MLXIP: variants seen among roughly 807,000 people sequenced by gnomAD.
MLXIP encodes MLX interacting protein.
MLXIP carries 30 observed loss-of-function variants against 87.2 expected under a neutral mutation model. The observed-to-expected ratio is 0.34, with a 90% CI of 0.26 to 0.47. The LOEUF (loss-of-function observed/expected upper bound fraction) is 0.47, where lower values mean the gene tolerates loss of function less well. Ranked by LOEUF, MLXIP falls within the 20% of genes least tolerant of loss-of-function variation. MLXIP has a pLI of 1.00. For missense variants in MLXIP, 1,002 were observed against 1,240.1 expected (o/e 0.81, Z 2.88); for synonymous variants, 530 against 514.0 (o/e 1.03, Z -0.42).
At chr12:122,095,644 T>G (rs1952340149) in intron 1 of MLXIP, among the ~76,000 whole-genome samples, 2 of 145,532 alleles carry the variant, frequency 1.4e-5, no homozygotes, top group Admixed American at 6.8e-5. Flanking sequence ...CATAGTATAG[T>G]TTTTTTTTTA....
At chr12:122,088,628 A>G (rs1952202522) in intron 1 of MLXIP, among the ~76,000 whole-genome samples, 1 of 152,170 alleles carries the variant, frequency 6.6e-6, no homozygotes, top group African/African-American at 2.4e-5. Context: ...CGCCTGGGGC[A>G]GTTTTCAGGC....
At chr12:122,085,929 G>T (rs954254695) in intron 1 of MLXIP, among the ~76,000 whole-genome samples, 1 of 152,176 alleles carries the variant, frequency 6.6e-6, no homozygotes, top group East Asian at 1.9e-4. Flanking sequence ...AAGGTTGCTG[G>T]TCTACTGACC....
chr12:122,080,875 T>G (rs1952080816), intron 1 of MLXIP, among the ~76,000 whole-genome samples: 1 of 152,232 alleles, frequency 6.6e-6, no homozygotes, highest in Non-Finnish European at 1.5e-5. Context: ...CTGGAATGTA[T>G]CTTATTAAGA....
At chr12:122,111,463 A>G (rs553881449) in intron 1 of MLXIP, among the ~76,000 whole-genome samples, 7 of 152,290 alleles carry the variant, frequency 4.6e-5, no homozygotes, top group African/African-American at 1.7e-4. Flanking sequence ...TAAACCAACT[A>G]CCAACTGAAT....
chr12:122,129,414 G>A (rs1169077587), intron 4 of MLXIP, 174 bp from the exon 5 acceptor site: 1 of 397,184 alleles, frequency 2.5e-6, no homozygotes, highest in African/African-American at 2.2e-5. Flanking sequence ...GGTTGTCTTT[G>A]CTCTCAGTTT....
intron 1 of MLXIP, among the ~76,000 whole-genome samples, chr12:122,114,752 T>C (rs1430643220): frequency 2.8e-5 from 3 of 105,830 alleles, no homozygotes; most frequent in Non-Finnish European, 5.9e-5. Context: ...TTTTTTTTTT[T>C]TTTGGTGGGG....
Position 122,129,024 on chromosome 12 carries a change from T to G in MLXIP, c.607-113T>G, listed in dbSNP as rs557145363. 159 of 807,112 alleles carry G rather than the reference T, an allele frequency of 2.0e-4. No individual in the cohort carries two copies. The South Asian group carries it at 2.4e-3, about 12-fold the overall frequency. The allele number at this position is 807,112 out of a possible 1,614,324, so 50.0% of individuals were successfully genotyped here. On this transcript the variant is annotated intron_variant, in intron 3 of 16. Transcript: ENST00000319080. ...AGTGATGTGGTAGCCACTGTGGGGT[T>G]TCCCGCTGGATTGCCTAAGGCCTGA...
intron 1 of MLXIP, among the ~76,000 whole-genome samples, chr12:122,125,745 G>T (rs1463964193): frequency 6.6e-6 from 1 of 152,228 alleles, no homozygotes; most frequent in African/African-American, 2.4e-5. Context: ...GCTGCTGTCT[G>T]CGTGTCTCTT....
chr12:122,121,009 G>GT (rs776332981), intron 1 of MLXIP, among the ~76,000 whole-genome samples: 1 of 102,170 alleles, frequency 9.8e-6, no homozygotes, highest in Non-Finnish European at 1.9e-5. Flanking sequence ...CTGCATGCTT[G>GT]GTTTTTTTTT....
At chr12:122,126,645 C>T (rs900922805) in intron 1 of MLXIP, among the ~76,000 whole-genome samples, 2 of 152,120 alleles carry the variant, frequency 1.3e-5, no homozygotes, top group African/African-American at 4.8e-5. Context: ...GTCACAGGAG[C>T]CTGGTTTGCA....
intron 1 of MLXIP, among the ~76,000 whole-genome samples, chr12:122,100,566 G>C (rs1049298281): frequency 3.9e-5 from 6 of 152,084 alleles, no homozygotes; most frequent in Admixed American, 6.6e-5. Flanking sequence ...TCATTGTTAA[G>C]GTATATTGAA....
intron 1 of MLXIP, among the ~76,000 whole-genome samples, chr12:122,087,874 G>A (rs1324971978): frequency 6.6e-6 from 1 of 152,186 alleles, no homozygotes; most frequent in Non-Finnish European, 1.5e-5. Flanking sequence ...GGACTTGCTG[G>A]TGAATTGGAC....
intron 1 of MLXIP, among the ~76,000 whole-genome samples, chr12:122,120,227 T>A (rs553425672): frequency 6.8e-4 from 103 of 152,166 alleles, no homozygotes; most frequent in African/African-American, 2.3e-3. Flanking sequence ...TTTTCTCTTT[T>A]CTTTTCTTCT....
At chr12:122,079,573 G>A (rs1315345804) in intron 1 of MLXIP, among the ~76,000 whole-genome samples, 1 of 152,226 alleles carries the variant, frequency 6.6e-6, no homozygotes, top group Admixed American at 6.5e-5. Context: ...TGCATCTTGT[G>A]TTACCCGACT....
intron 1 of MLXIP, among the ~76,000 whole-genome samples, chr12:122,111,933 T>C (rs1194533347): frequency 6.6e-6 from 1 of 152,236 alleles, no homozygotes; most frequent in Non-Finnish European, 1.5e-5. Context: ...ATAATCCCAA[T>C]CAACATATTA....
chr12:122,107,207 C>T (rs535327608), intron 1 of MLXIP, among the ~76,000 whole-genome samples: 2 of 152,156 alleles, frequency 1.3e-5, no homozygotes, highest in East Asian at 1.9e-4. Context: ...TTCCTCGTGG[C>T]GGGAGCTGGG....
intron 1 of MLXIP, among the ~76,000 whole-genome samples, chr12:122,086,853 G>A (rs1031705940): frequency 1.3e-5 from 2 of 152,112 alleles, no homozygotes; most frequent in South Asian, 2.1e-4. Flanking sequence ...TTCACTGTCC[G>A]GCCAGACGCC....
At chr12:122,126,598 G>A (rs947086015) in intron 1 of MLXIP, among the ~76,000 whole-genome samples, 5 of 152,202 alleles carry the variant, frequency 3.3e-5, no homozygotes, top group Admixed American at 6.5e-5. Context: ...TGAATGCCTC[G>A]TGGGGGCTGG....
Position 122,145,246 on chromosome 12 carries a change from C to G in MLXIP, c.*3434C>G, listed in dbSNP as rs571594934. On this transcript the variant is annotated 3_prime_UTR_variant, in exon 17 of 17. Transcript: ENST00000319080. ...GGGAAGGGGCTGGAAAGCAGCAGAC[C>G]CCCCCAGTGCTGCGCATGGTCCCGG... is the stretch of plus-strand genomic sequence containing the variant. 3 of 152,264 alleles carry G rather than the reference C, an allele frequency of 2.0e-5. No homozygotes were observed. The highest frequency in any genetic ancestry group is 4.8e-5 in the African/African-American group (2 of 41,450). The allele number at this position is 152,264 out of a possible 1,614,324, so 9.4% of individuals were successfully genotyped here. A position where few individuals can be genotyped will look rare whatever the true frequency, so the allele number is the denominator to read the frequency against.
Sources: gnomAD v4.1 joint callset for allele counts (sites outside exome capture counted in the v4.1 genomes callset) on GRCh38, gnomAD v4.1.1 for gene constraint, MANE v1.5 for transcripts, NCBI Gene and HGNC (gene_info 2026-07-23, HGNC 2026-07-21) for gene names.